The following KCNK3 variants were observed in gnomAD, a reference collection of about 807,000 sequenced individuals.
The protein encoded by KCNK3 is potassium two pore domain channel subfamily K member 3, also known as potassium channel subfamily K member 3.
In KCNK3, 9 loss-of-function variants were observed where a neutral mutation model predicts 27.3. The ratio of observed to expected loss-of-function variants is 0.33; its 90% CI spans 0.20 to 0.57. The LOEUF is 0.57. Among genes scored for constraint, KCNK3 ranks in the 20% least tolerant of loss-of-function variants. The pLI is 0.87. For missense variants in KCNK3, 391 were observed against 577.7 expected (o/e 0.68, Z 3.31); for synonymous variants, 278 against 273.8 (o/e 1.02, Z -0.15).
intron 1 of KCNK3, among the ~76,000 whole-genome samples, chr2:26,714,247 G>A (rs1256572063): frequency 6.6e-6 from 1 of 151,858 alleles, no homozygotes; most frequent in African/African-American, 2.4e-5. Flanking sequence ...CAGAGAGGCA[G>A]TGTGGGTGGA....
chr2:26,703,245 C>A (rs904474482), intron 1 of KCNK3, among the ~76,000 whole-genome samples: 1 of 152,160 alleles, frequency 6.6e-6, no homozygotes, highest in African/African-American at 2.4e-5. Flanking sequence ...ATTAGGCCCA[C>A]CCAGATTATC....
intron 1 of KCNK3, among the ~76,000 whole-genome samples, chr2:26,696,473 T>A (rs1670236757): frequency 1.3e-5 from 2 of 152,202 alleles, no homozygotes; most frequent in Non-Finnish European, 2.9e-5. Flanking sequence ...TGCTTAGTGA[T>A]GCCAGCTCAC....
chr2:26,700,018 G>T (rs1479095350), intron 1 of KCNK3, among the ~76,000 whole-genome samples: 3 of 152,204 alleles, frequency 2.0e-5, no homozygotes, highest in African/African-American at 7.2e-5. Flanking sequence ...GGGTACCAGG[G>T]TCTATGCAGG....
intron 1 of KCNK3, among the ~76,000 whole-genome samples, chr2:26,712,627 G>A (rs1026991328): frequency 3.9e-5 from 6 of 151,900 alleles, no homozygotes; most frequent in South Asian, 2.1e-4. Context: ...GGGCAGAGGC[G>A]TGCCCAGAGG....
In KCNK3 at chr2:26,693,963, A is replaced by G. The variant is rs1213425897; in HGVS notation, c.283+805A>G. On this transcript the variant is annotated intron_variant, in intron 1 of 1. Transcript: ENST00000302909. The surrounding 1 kb of genome is among the most constrained non-coding windows in gnomAD (Gnocchi z 5.5). ...CACAGGGTACACACAGGGCGGGCACACACACACACACACACAGAGAGAGAG... is the reference window on the plus strand; with the variant it reads ...CACAGGGTACACACAGGGCGGGCACGCACACACACACACACAGAGAGAGAG... 1.3e-5 allele frequency among the ~76,000 whole-genome samples: 2 copies of G among 150,224 alleles called. No homozygotes were observed. The highest frequency in any genetic ancestry group is 3.0e-5 in the Non-Finnish European group (2 of 67,420).
At chr2:26,699,571 A>G (rs1670282127) in intron 1 of KCNK3, among the ~76,000 whole-genome samples, 1 of 152,262 alleles carries the variant, frequency 6.6e-6, no homozygotes, top group Non-Finnish European at 1.5e-5. Context: ...TTGATTTTGT[A>G]ATTAAAAAAA....
At chr2:26,724,144 C>T (rs1224639743) in intron 1 of KCNK3, among the ~76,000 whole-genome samples, 1 of 152,222 alleles carries the variant, frequency 6.6e-6, no homozygotes, top group Non-Finnish European at 1.5e-5. Flanking sequence ...AGCTGGCACC[C>T]CTCCAAGTTG....
intron 1 of KCNK3, among the ~76,000 whole-genome samples, chr2:26,699,134 C>T (rs531085098): frequency 5.4e-4 from 80 of 148,224 alleles, no homozygotes; most frequent in Admixed American, 2.6e-3. Context: ...GCCAAGATCG[C>T]GCCACTGCAC....
rs1441942572 is a variant in KCNK3, at chr2:26,732,237, C to T, written c.*3669C>T. The T allele has an allele frequency of 1.3e-5, 2 of 152,218 alleles. No homozygotes were observed. The highest frequency in any genetic ancestry group is 2.9e-5 in the Non-Finnish European group (2 of 68,070). 9.4% of individuals were successfully genotyped at this position (152,218 alleles called of 1,614,324 possible). On this transcript the variant is annotated 3_prime_UTR_variant, in exon 2 of 2. Coordinates refer to ENST00000302909, the MANE Select transcript of KCNK3 (RefSeq NM_002246.3). ...CACACAGCTCTGTACCTATCTAGCT[C>T]CATGCCTATCTATCTGCCTACCTTT...
At chr2:26,718,013 C>T (rs1731238) in intron 1 of KCNK3, among the ~76,000 whole-genome samples, 53,165 of 151,928 alleles carry the variant, frequency 0.35, 10,614 homozygotes, top group African/African-American at 0.55. Flanking sequence ...TGCAGGGCAT[C>T]CCACACACCA....
chr2:26,692,870 G>T lies in KCNK3; in HGVS notation c.-6G>T. The T allele has an allele frequency of 3.1e-6, 4 of 1,299,424 alleles. No homozygotes were observed. The highest frequency in any genetic ancestry group is 2.9e-6 in the Non-Finnish European group (3 of 1,017,442). The allele number at this position is 1,299,424 out of a possible 1,614,324, so 80.5% of individuals were successfully genotyped here. On this transcript the variant is annotated 5_prime_UTR_variant, in exon 1 of 2. Transcript: ENST00000302909. This position sits in a 1 kb window ranked among gnomAD's most constrained non-coding sequence, Gnocchi z 5.6. Reference sequence around the variant, plus strand: ...CCGGGGGGCCGGCGGCGGCCCGGGCGGGACGATGAAGCGGCAGAACGTGCG... The same window carrying T: ...CCGGGGGGCCGGCGGCGGCCCGGGCTGGACGATGAAGCGGCAGAACGTGCG...
At chr2:26,714,155 G>A (rs1045299243) in intron 1 of KCNK3, among the ~76,000 whole-genome samples, 2 of 151,698 alleles carry the variant, frequency 1.3e-5, no homozygotes, top group South Asian at 4.2e-4. Context: ...CCCTCCACAC[G>A]CCAGGCCTTG....
intron 1 of KCNK3, 111 bp from the exon 2 acceptor site, chr2:26,727,556 C>T: frequency 1.4e-6 from 2 of 1,433,208 alleles, no homozygotes; most frequent in Non-Finnish European, 1.9e-6. Flanking sequence ...CACTGTGGAC[C>T]CAGACCCACA....
chr2:26,692,998 G>C lies in KCNK3; in HGVS notation c.123G>C (p.Leu41=), dbSNP rs1482371084. 6.3e-7 allele frequency: 1 copy of C among 1,577,042 alleles called. No homozygotes were observed. Among genetic ancestry groups the C allele is most frequent in the Admixed American group, 1.8e-5 (1 of 55,544 alleles). ...SEPELIERQR[L]ELRQQELRAR... ...CCGAGCTGATCGAGCGGCAGCGGCT[G>C]GAGCTGCGGCAGCAGGAGCTGCGGG... Residue 41 remains leucine, a synonymous_variant, in exon 1 of 2, where the codon CTG becomes CTC. Coordinates refer to ENST00000302909, the MANE Select transcript of KCNK3 (RefSeq NM_002246.3). This position sits in a 1 kb window ranked among gnomAD's most constrained non-coding sequence, Gnocchi z 5.6.
intron 1 of KCNK3, among the ~76,000 whole-genome samples, chr2:26,710,854 AG>A (rs1248566317): frequency 1.3e-5 from 2 of 152,198 alleles, no homozygotes; most frequent in African/African-American, 4.8e-5. Flanking sequence ...AAAGCCTGAC[AG>A]GGGGCTGCAG....
chr2:26,699,207 G>GAAAA lies in KCNK3; in HGVS notation c.283+6050_283+6051insAAAA, dbSNP rs71399402. Among the ~76,000 whole-genome samples the GAAAA allele has an allele frequency of 2.3e-5, 3 of 130,966 alleles. No individual in the cohort carries two copies. In the Admixed American group the frequency reaches 2.5e-4, roughly 11 times the overall value. The allele number at this position is 130,966 out of a possible 152,430, so 85.9% of individuals were successfully genotyped here. On this transcript the variant is annotated intron_variant, in intron 1 of 1. Transcript: ENST00000302909. ...AAAAAAAAAAAAGGAAGGAAAGAGA[G>GAAAA]AGAAAGAAAGAAAGAAAGAAAGAAA...
At position 26,728,701 on chromosome 2, in the gene KCNK3, C is replaced by T; in HGVS notation, c.*133C>T. On this transcript the variant is annotated 3_prime_UTR_variant, in exon 2 of 2. Coordinates refer to ENST00000302909, the MANE Select transcript of KCNK3 (RefSeq NM_002246.3). The stretch of plus-strand genomic sequence containing the variant: ...CCCTCACCACTCTCCCCCAGCACCC[C>T]CATCTCCGACTGTGCCTGCTTGCAC... The T allele has an allele frequency of 1.3e-6, 1 of 770,318 alleles. No homozygotes were observed. Among genetic ancestry groups the T allele is most frequent in the Admixed American group, 3.9e-5 (1 of 25,586 alleles). 47.7% of individuals were successfully genotyped at this position (770,318 alleles called of 1,614,324 possible). A position where few individuals can be genotyped will look rare whatever the true frequency, so the allele number is the denominator to read the frequency against.
intron 1 of KCNK3, among the ~76,000 whole-genome samples, chr2:26,726,290 C>G (rs557927679): frequency 2.0e-5 from 3 of 152,206 alleles, no homozygotes; most frequent in African/African-American, 7.2e-5. Flanking sequence ...CCCCTTCCCC[C>G]CAAAGCTAGT....
At chr2:26,708,627 C>A (rs758231494) in intron 1 of KCNK3, among the ~76,000 whole-genome samples, 2 of 152,092 alleles carry the variant, frequency 1.3e-5, no homozygotes, top group South Asian at 2.1e-4. Flanking sequence ...TGCAGCGAGC[C>A]GAGATCGCGC....
Sources: gnomAD v4.1 joint callset for allele counts (sites outside exome capture counted in the v4.1 genomes callset) on GRCh38, gnomAD v4.1.1 for gene constraint, Gnocchi (gnomAD v3.1) non-coding constraint, MANE v1.5 for transcripts, NCBI Gene and HGNC (gene_info 2026-07-23, HGNC 2026-07-21) for gene names.